The following GOLGA1 variants were observed in gnomAD, a reference collection of about 807,000 sequenced individuals.
GOLGA1 encodes the protein golgin subfamily A member 1.
In GOLGA1, 63 loss-of-function variants were observed where a neutral mutation model predicts 119.7. That is an observed-to-expected ratio of 0.53 (90% CI 0.43 to 0.65). GOLGA1 has a LOEUF of 0.65. Among genes scored for constraint, GOLGA1 ranks in the 30% least tolerant of loss-of-function variants. GOLGA1 has a pLI of 0.00. For synonymous variants in GOLGA1, 318 were observed against 333.4 expected (o/e 0.95, Z 0.50); for missense variants, 798 against 912.8 (o/e 0.87, Z 1.62).
At position 124,928,297 on chromosome 9, in the gene GOLGA1, G is replaced by C. The variant is rs1480205430; in HGVS notation, c.302-12C>G. ...TTTCCGCATGGAAGCTGTTAACAAAGAGGCTCTATTTGAGATATGAAAACA... is the reference window on the plus strand; with the variant it reads ...TTTCCGCATGGAAGCTGTTAACAAACAGGCTCTATTTGAGATATGAAAACA... On this transcript the variant is annotated splice_polypyrimidine_tract_variant and intron_variant, in intron 5 of 22. Transcript: ENST00000373555. 2 of 1,467,058 alleles carry C rather than the reference G, an allele frequency of 1.4e-6. No individual in the cohort carries two copies. Among genetic ancestry groups the C allele is most frequent in the Non-Finnish European group, 1.9e-6 (2 of 1,048,184 alleles). 90.9% of individuals were successfully genotyped at this position (1,467,058 alleles called of 1,614,324 possible). A position where few individuals can be genotyped will look rare whatever the true frequency, so the allele number is the denominator to read the frequency against.
chr9:124,942,399 A>C (rs910750140), upstream of GOLGA1, among the ~76,000 whole-genome samples: 3 of 152,216 alleles, frequency 2.0e-5, no homozygotes, highest in Admixed American at 2.0e-4. Flanking sequence ...AAGAATAAGC[A>C]GATTCCACCC....
At chr9:124,942,098 T>C (rs557839804), upstream of GOLGA1, among the ~76,000 whole-genome samples, 26 of 152,202 alleles carry the variant, frequency 1.7e-4, no homozygotes, top group African/African-American at 5.5e-4. Context: ...TAGCGAAACC[T>C]CGTCTCTACT....
intron 15 of GOLGA1, among the ~76,000 whole-genome samples, chr9:124,890,775 T>C (rs949585789): frequency 6.6e-6 from 1 of 152,076 alleles, no homozygotes; most frequent in Admixed American, 6.5e-5. Context: ...GAAGAGCTGG[T>C]CTAAGGACAG....
At chr9:124,915,610 G>C (rs1399180130) in intron 10 of GOLGA1, among the ~76,000 whole-genome samples, 1 of 152,050 alleles carries the variant, frequency 6.6e-6, no homozygotes, top group African/African-American at 2.4e-5. Context: ...AGCACTGTGA[G>C]AGGCCGAGGC....
At chr9:124,882,837 C>T (rs1481250192) in intron 19 of GOLGA1, among the ~76,000 whole-genome samples, 2 of 152,174 alleles carry the variant, frequency 1.3e-5, no homozygotes, top group Non-Finnish European at 1.5e-5. Context: ...AGTGCCCCAG[C>T]GCTGCCTATC....
At chr9:124,907,100 A>G (rs905944628) in intron 12 of GOLGA1, among the ~76,000 whole-genome samples, 1 of 152,232 alleles carries the variant, frequency 6.6e-6, no homozygotes, top group Non-Finnish European at 1.5e-5. Context: ...GTGTTGAGAT[A>G]TAGTACAGAT....
chr9:124,943,160 G>T (rs2131556312), upstream of GOLGA1: 1 of 152,272 alleles, frequency 6.6e-6, no homozygotes, highest in East Asian at 1.9e-4. Context: ...GAACACAACT[G>T]ACAAGACTTT....
intron 20 of GOLGA1, 51 bp from the exon 21 acceptor site, chr9:124,882,005 A>G: frequency 7.4e-7 from 1 of 1,350,668 alleles, no homozygotes; most frequent in Non-Finnish European, 1.0e-6. Context: ...AGACAGGTGG[A>G]AAAAATCACA....
At position 124,908,483 on chromosome 9, in the gene GOLGA1, AAAG is replaced by A; in HGVS notation, c.970-14_970-12del. 1 of 1,374,960 alleles carries A rather than the reference AAAG, an allele frequency of 7.3e-7. No individual in the cohort carries two copies. The allele number at this position is 1,374,960 out of a possible 1,614,324, so 85.2% of individuals were successfully genotyped here. A position where few individuals can be genotyped will look rare whatever the true frequency, so the allele number is the denominator to read the frequency against. ...CTCAGCAAGTGTTTTCTGTAAGTTG[AAAG>A]AAGAGTAAAAGAAGACTATCATTCC... is the stretch of plus-strand genomic sequence containing the variant. On this transcript the variant is annotated splice_polypyrimidine_tract_variant and intron_variant, in intron 11 of 22. Coordinates refer to ENST00000373555, the MANE Select transcript of GOLGA1 (RefSeq NM_002077.4).
chr9:124,935,641 C>CA (rs2131534469), intron 3 of GOLGA1, among the ~76,000 whole-genome samples: 1 of 151,026 alleles, frequency 6.6e-6, no homozygotes, highest in South Asian at 2.1e-4. Context: ...ACTAAAAATA[C>CA]AAAAAACTAG....
chr9:124,939,052 C>T (rs1830940714), intron 2 of GOLGA1, among the ~76,000 whole-genome samples, 186 bp from the exon 3 acceptor site: 1 of 152,118 alleles, frequency 6.6e-6, no homozygotes, highest in African/African-American at 2.4e-5. Context: ...GAAACCCAGT[C>T]TCAAGAAGAT....
chr9:124,899,173 GT>G (rs1386498784), intron 14 of GOLGA1, among the ~76,000 whole-genome samples, 155 bp downstream of exon 14: 1 of 152,182 alleles, frequency 6.6e-6, no homozygotes, highest in Non-Finnish European at 1.5e-5. Flanking sequence ...TCCAGCCTGG[GT>G]GACAGAGTGA....
rs1367818013 is a variant in GOLGA1 at position 124,899,326 on chromosome 9, C to T, written c.1311+3G>A. Reference sequence around the variant, plus strand: ...GCCCACCCTCTCTTAGCTCTTCACTCACCATCCCTTGCTCTGCGGTGGTCT... The same window carrying T: ...GCCCACCCTCTCTTAGCTCTTCACTTACCATCCCTTGCTCTGCGGTGGTCT... On this transcript the variant is annotated splice_donor_region_variant and intron_variant, in intron 14 of 22. Coordinates refer to ENST00000373555, the MANE Select transcript of GOLGA1 (RefSeq NM_002077.4). 1.3e-6 allele frequency: 2 copies of T among 1,544,738 alleles called. No individual in the cohort carries two copies. The highest frequency in any genetic ancestry group is 2.4e-5 in the South Asian group (2 of 83,946).
At position 124,928,241 on chromosome 9, in the gene GOLGA1, T is replaced by C; in HGVS notation, c.346A>G (p.Asn116Asp). The C allele has an allele frequency of 6.2e-7, 1 of 1,608,980 alleles. No individual in the cohort carries two copies. Among genetic ancestry groups the C allele is most frequent in the Middle Eastern group, 1.7e-4 (1 of 6,052 alleles). ...AGTCCTTCTGCCATTTTGGCTCTGT[T>C]GGCTTGGAATGTCTCATTCTGCTCT... is the stretch of plus-strand genomic sequence containing the variant. Reference protein sequence around the residue: ...FQEQNETFQANRAKMAEGLAL... With the variant: ...FQEQNETFQADRAKMAEGLAL... Residue 116 changes from asparagine (N) to aspartate (D), a missense_variant, in exon 6 of 23, where the codon AAC becomes GAC. Transcript: ENST00000373555.
In GOLGA1 at chr9:124,899,413, C is replaced by T. The variant is rs1267984166; in HGVS notation, c.1227G>A (p.Leu409=). The part of the protein sequence containing the change: ...QQALALEQQF[L]ERTQALEAQI... ...GGGCTTCTAGCGCCTGGGTGCGCTC[C>T]AAGAACTGCTGCTCCAGAGCAAGGG... The change falls in exon 14 of 23, where the codon TTG becomes TTA. Residue 409 remains leucine (L), a synonymous_variant. Coordinates refer to ENST00000373555, the MANE Select transcript of GOLGA1 (RefSeq NM_002077.4). The T allele has an allele frequency of 6.5e-7, 1 of 1,548,832 alleles. No homozygotes were observed. The highest frequency in any genetic ancestry group is 8.7e-7 in the Non-Finnish European group (1 of 1,147,582).
chr9:124,915,440 C>G (rs1830419896), intron 10 of GOLGA1, among the ~76,000 whole-genome samples: 1 of 152,208 alleles, frequency 6.6e-6, no homozygotes, highest in Admixed American at 6.5e-5. Flanking sequence ...GTCTATACAA[C>G]TGGCCCTGCA....
intron 12 of GOLGA1, among the ~76,000 whole-genome samples, chr9:124,903,594 G>A (rs117480318): frequency 0.012 from 1,653 of 138,798 alleles, 83 homozygotes; most frequent in Admixed American, 0.095. Context: ...AGGAATTGGA[G>A]ACCTGCCTGG....
chr9:124,904,160 C>G (rs1830170109), intron 12 of GOLGA1, among the ~76,000 whole-genome samples: 1 of 149,454 alleles, frequency 6.7e-6, no homozygotes, highest in African/African-American at 2.5e-5. Context: ...GATGTATATA[C>G]TAAGTCAAAT....
Position 124,904,103 on chromosome 9 carries a change from AAAGG to A in GOLGA1, c.1066-3560_1066-3557del, listed in dbSNP as rs869150494. Among the ~76,000 whole-genome samples, 57 of 152,268 alleles carry A rather than the reference AAAGG, an allele frequency of 3.7e-4. 1 individual carries two copies. Among genetic ancestry groups the A allele is most frequent in the African/African-American group, 1.3e-3 (53 of 41,548 alleles). ...AAAAAAAAATTCTGTTAAAAAAAAA[AAAGG>A]AATGAAAGTCTGACATATGCTACAA... On this transcript the variant is annotated intron_variant, in intron 12 of 22. Transcript: ENST00000373555.
Sources: gnomAD v4.1 joint callset for allele counts (sites outside exome capture counted in the v4.1 genomes callset) on GRCh38, gnomAD v4.1.1 for gene constraint, MANE v1.5 for transcripts, NCBI Gene and HGNC (gene_info 2026-07-23, HGNC 2026-07-21) for gene names.